ZFAND6: variants seen among roughly 807,000 people sequenced by gnomAD.
ZFAND6 encodes the protein AN1-type zinc finger protein 6.
A neutral mutation model predicts 24.5 loss-of-function variants in ZFAND6; 12 were observed. That is an observed-to-expected ratio of 0.49 (90% CI 0.31 to 0.79). ZFAND6 has a LOEUF of 0.79. ZFAND6 is among the 30% of genes least tolerant of loss of function. The probability of loss-of-function intolerance (pLI) is 0.04; values close to 1 mark genes in which losing one functional copy is unlikely to be tolerated. For synonymous variants in ZFAND6, 92 were observed against 81.5 expected (o/e 1.13, Z -0.69); for missense variants, 207 against 245.9 (o/e 0.84, Z 1.06).
chr15:80,111,646 G>GT (rs2039617116), intron 2 of ZFAND6: 1 of 340,302 alleles, frequency 2.9e-6, no homozygotes, highest in South Asian at 2.3e-5. Flanking sequence ...TTTCTCATAA[G>GT]TTTTTAATAA....
chr15:80,112,940 C>G (rs1267488705), intron 2 of ZFAND6: 2 of 445,016 alleles, frequency 4.5e-6, no homozygotes, highest in East Asian at 7.0e-5. Flanking sequence ...CCATTTGATA[C>G]AATTGCAAAG....
intron 1 of ZFAND6, among the ~76,000 whole-genome samples, chr15:80,064,595 C>A (rs1373533452): frequency 9.2e-6 from 1 of 108,914 alleles, no homozygotes; most frequent in African/African-American, 3.6e-5. Context: ...AATATATATA[C>A]ACATGTATAC....
chr15:80,116,426 A>G (rs550748993), intron 2 of ZFAND6, among the ~76,000 whole-genome samples: 1 of 152,358 alleles, frequency 6.6e-6, no homozygotes, highest in Non-Finnish European at 1.5e-5. Context: ...AAAATATTTT[A>G]GGAAAATAAC....
At chr15:80,073,812 A>T (rs1567052686) in intron 1 of ZFAND6, among the ~76,000 whole-genome samples, 1 of 151,870 alleles carries the variant, frequency 6.6e-6, no homozygotes, top group Admixed American at 6.6e-5. Flanking sequence ...TAACTATGTA[A>T]TTCTCTTAAA....
At position 80,059,690 on chromosome 15, in the gene ZFAND6, G is replaced by A. The variant is rs1462925632; in HGVS notation, c.-300G>A. 2.6e-5 allele frequency: 4 copies of A among 152,578 alleles called. No homozygotes were observed. Among genetic ancestry groups the A allele is most frequent in the Non-Finnish European group, 4.4e-5 (3 of 68,372 alleles). 9.5% of individuals were successfully genotyped at this position (152,578 alleles called of 1,614,324 possible). ...CAGAAAAGTTTAATAAACAGCGGAC[G>A]GAGGGGCCGGCGGTGGCGGAGCCGG... On this transcript the variant is annotated 5_prime_UTR_variant, in exon 1 of 7. Transcript: ENST00000261749.
intron 2 of ZFAND6, among the ~76,000 whole-genome samples, chr15:80,100,107 G>A (rs181858831): frequency 2.5e-4 from 38 of 152,258 alleles, no homozygotes; most frequent in Admixed American, 5.9e-4. Context: ...TAATCTTTCA[G>A]TATTTCTAGA....
In ZFAND6 at chr15:80,116,800, C is replaced by T. The variant is rs543674524; in HGVS notation, c.-17-3528C>T. ...TTATTTATTTTAGTTCATCCACTGT[C>T]GTTAGTATTAATGTATTTTATATGT... On this transcript the variant is annotated intron_variant, in intron 2 of 6. Transcript: ENST00000261749. Among the ~76,000 whole-genome samples, 62 of 152,204 alleles carry T rather than the reference C, an allele frequency of 4.1e-4. No individual in the cohort carries two copies. The South Asian group carries it at 0.011, about 26-fold the overall frequency.
chr15:80,123,567 G>A (rs2040240126), intron 5 of ZFAND6, among the ~76,000 whole-genome samples: 1 of 152,196 alleles, frequency 6.6e-6, no homozygotes, highest in Admixed American at 6.5e-5. Context: ...TTCACATGAT[G>A]GTAACAGATA....
intron 5 of ZFAND6, among the ~76,000 whole-genome samples, chr15:80,126,823 G>A (rs2040388673): frequency 6.6e-6 from 1 of 152,150 alleles, no homozygotes; most frequent in African/African-American, 2.4e-5. Context: ...TTAAAAGAGT[G>A]GAAAAACAGC....
chr15:80,084,239 G>A (rs2037856579), intron 1 of ZFAND6, among the ~76,000 whole-genome samples: 1 of 151,600 alleles, frequency 6.6e-6, no homozygotes, highest in Non-Finnish European at 1.5e-5. Context: ...AGTGTAGGTC[G>A]ATCATCCCAA....
intron 1 of ZFAND6, among the ~76,000 whole-genome samples, chr15:80,097,590 A>C (rs981280409): frequency 6.6e-6 from 1 of 152,152 alleles, no homozygotes; most frequent in East Asian, 1.9e-4. Flanking sequence ...CAGAGGTTGC[A>C]GTGAGCCAAG....
At chr15:80,096,127 A>G (rs2038709338) in intron 1 of ZFAND6, among the ~76,000 whole-genome samples, 1 of 152,224 alleles carries the variant, frequency 6.6e-6, no homozygotes, top group Non-Finnish European at 1.5e-5. Context: ...AGTTCCTAAC[A>G]TCTCCAAACC....
chr15:80,094,132 A>C lies in ZFAND6; in HGVS notation c.-180-4284A>C, dbSNP rs184313105. Reference sequence around the variant, plus strand: ...AGAATCCTTGGAACATGAGGTTCAGATGCTTACCAGGTTTTATTTTGCAAT... The same window carrying C: ...AGAATCCTTGGAACATGAGGTTCAGCTGCTTACCAGGTTTTATTTTGCAAT... On this transcript the variant is annotated intron_variant, in intron 1 of 6. Transcript: ENST00000261749. Among the ~76,000 whole-genome samples the C allele has an allele frequency of 5.3e-5, 8 of 152,356 alleles. No individual in the cohort carries two copies. The East Asian group carries it at 1.5e-3, about 29-fold the overall frequency.
In ZFAND6 at chr15:80,059,748, C is replaced by T. The variant is rs1048038488; in HGVS notation, c.-242C>T. The T allele has an allele frequency of 3.9e-5, 6 of 152,236 alleles. No homozygotes were observed. The highest frequency in any genetic ancestry group is 7.2e-5 in the African/African-American group (3 of 41,424). 9.4% of individuals were successfully genotyped at this position (152,236 alleles called of 1,614,324 possible). ...AGGGGTTCGGCGGCATTACCTGTAC[C>T]CATTCACCGGCGGCTACCGGCGGCG... On this transcript the variant is annotated 5_prime_UTR_variant, in exon 1 of 7. Coordinates refer to ENST00000261749, the MANE Select transcript of ZFAND6 (RefSeq NM_019006.4).
chr15:80,076,350 A>C (rs1391955907), intron 1 of ZFAND6, among the ~76,000 whole-genome samples: 1 of 151,908 alleles, frequency 6.6e-6, no homozygotes, highest in Non-Finnish European at 1.5e-5. Context: ...TTAGCCTATA[A>C]ATTTTAAATT....
chr15:80,107,486 C>T (rs548736935), intron 2 of ZFAND6, among the ~76,000 whole-genome samples: 1 of 152,102 alleles, frequency 6.6e-6, no homozygotes, highest in Non-Finnish European at 1.5e-5. Context: ...ACTGCCAATG[C>T]AAATGTCAAC....
chr15:80,107,276 C>T (rs920587507), intron 2 of ZFAND6, among the ~76,000 whole-genome samples: 2 of 152,044 alleles, frequency 1.3e-5, no homozygotes, highest in African/African-American at 4.8e-5. Flanking sequence ...GCAAGTGAAA[C>T]TGGTTTTTTG....
chr15:80,093,826 G>A (rs1245662397), intron 1 of ZFAND6, among the ~76,000 whole-genome samples: 2 of 152,214 alleles, frequency 1.3e-5, no homozygotes, highest in African/African-American at 4.8e-5. Flanking sequence ...GAGCTTTACT[G>A]GAGAAGTCTT....
intron 1 of ZFAND6, among the ~76,000 whole-genome samples, chr15:80,082,647 A>G (rs2037744995): frequency 6.6e-6 from 1 of 152,212 alleles, no homozygotes; most frequent in African/African-American, 2.4e-5. Context: ...TTTCTGGGAA[A>G]GGTAGGAAAG....
Sources: gnomAD v4.1 joint callset for allele counts (sites outside exome capture counted in the v4.1 genomes callset) on GRCh38, gnomAD v4.1.1 for gene constraint, MANE v1.5 for transcripts, NCBI Gene and HGNC (gene_info 2026-07-23, HGNC 2026-07-21) for gene names.